Variants in PRKCE observed in about 807,000 individuals in gnomAD.
The protein encoded by PRKCE is protein kinase C epsilon.
A neutral mutation model predicts 85.4 loss-of-function variants in PRKCE; 16 were observed. The ratio of observed to expected loss-of-function variants is 0.19; its 90% confidence interval spans 0.13 to 0.28. PRKCE has a LOEUF of 0.28. Ranked by LOEUF, PRKCE falls within the 10% of genes least tolerant of loss-of-function variation. PRKCE has a pLI of 1.00. For missense variants in PRKCE, 573 were observed against 975.2 expected (o/e 0.59, Z 5.49); for synonymous variants, 388 against 371.5 (o/e 1.04, Z -0.51).
intron 11 of PRKCE, among the ~76,000 whole-genome samples, chr2:46,091,575 A>G (rs756765524): frequency 1.1e-4 from 16 of 152,196 alleles, no homozygotes; most frequent in Non-Finnish European, 1.9e-4. Context: ...AGGGTGGAGA[A>G]AGACGTAGAT....
intron 9 of PRKCE, among the ~76,000 whole-genome samples, chr2:46,009,524 A>T (rs1362852113): frequency 6.6e-6 from 1 of 152,242 alleles, no homozygotes; most frequent in African/African-American, 2.4e-5. Context: ...GAAACTACTC[A>T]GTATTGGTAA....
chr2:45,923,940 A>AG (rs372862705), intron 2 of PRKCE, among the ~76,000 whole-genome samples: 112 of 152,338 alleles, frequency 7.4e-4, no homozygotes, highest in African/African-American at 2.7e-3. Flanking sequence ...CGCAGCAGGA[A>AG]GAAAGGTTGT....
At chr2:45,912,070 T>C (rs755912273) in intron 2 of PRKCE, among the ~76,000 whole-genome samples, 4 of 152,176 alleles carry the variant, frequency 2.6e-5, no homozygotes, top group Non-Finnish European at 4.4e-5. Flanking sequence ...TTTCAGGGTC[T>C]TTCTCTTTCC....
intron 1 of PRKCE, among the ~76,000 whole-genome samples, chr2:45,778,362 G>T (rs555435132): frequency 1.8e-4 from 27 of 152,132 alleles, no homozygotes; most frequent in Admixed American, 3.3e-4. Context: ...ATGCCTGGCC[G>T]CTTAGCTCCG....
At chr2:46,024,269 A>T (rs1706920121) in intron 10 of PRKCE, among the ~76,000 whole-genome samples, 1 of 151,652 alleles carries the variant, frequency 6.6e-6, no homozygotes, top group South Asian at 2.1e-4. Context: ...AAAGCAACTG[A>T]TGGAAAAACA....
chr2:45,816,907 G>T (rs952306515), intron 1 of PRKCE, among the ~76,000 whole-genome samples: 7 of 152,182 alleles, frequency 4.6e-5, no homozygotes, highest in Non-Finnish European at 2.9e-5. Context: ...CTGCTCGGGG[G>T]TTTTGTGAGG....
intron 2 of PRKCE, among the ~76,000 whole-genome samples, chr2:45,937,811 AATG>A (rs1380240739): frequency 1.3e-5 from 2 of 152,176 alleles, no homozygotes; most frequent in East Asian, 3.8e-4. Context: ...GGTACTTGAT[AATG>A]ATTACATTCT....
At chr2:46,149,715 TTA>T (rs1489610997) in intron 12 of PRKCE, among the ~76,000 whole-genome samples, 1,419 of 20,026 alleles carry the variant, frequency 0.071, 30 homozygotes, top group Middle Eastern at 0.21. Flanking sequence ...ATATGTATTT[TTA>T]TATATATGTA....
chr2:45,694,441 G>A (rs1364019209), intron 1 of PRKCE, among the ~76,000 whole-genome samples: 1 of 152,178 alleles, frequency 6.6e-6, no homozygotes, highest in Non-Finnish European at 1.5e-5. Flanking sequence ...CGTTTATTGG[G>A]TGCCAAAGGT....
At chr2:46,003,519 G>A (rs1041049263) in intron 7 of PRKCE, among the ~76,000 whole-genome samples, 2 of 152,136 alleles carry the variant, frequency 1.3e-5, no homozygotes, top group Non-Finnish European at 2.9e-5. Flanking sequence ...GTCACTAGGG[G>A]CAATAAAAGT....
At position 45,796,598 on chromosome 2, in the gene PRKCE, A is replaced by C. The variant is rs185651258; in HGVS notation, c.349-46402A>C. On this transcript the variant is annotated intron_variant, in intron 1 of 14. Transcript: ENST00000306156. ...CAATTAACTTAACCTCTCTGACTTC[A>C]CCTTCTCCACCTGCAAAATGGGGTT... is the stretch of plus-strand genomic sequence containing the variant. Among the ~76,000 whole-genome samples, 534 of 152,198 alleles carry C rather than the reference A, an allele frequency of 3.5e-3. 2 individuals are homozygous for C. Among genetic ancestry groups the C allele is most frequent in the Non-Finnish European group, 5.2e-3 (356 of 68,014 alleles).
rs569114543 is a variant in PRKCE at position 45,847,110 on chromosome 2, C to T, written c.412+4047C>T. ...CTGTGCGATTGCTTTCTGCACAGTT[C>T]AGGCCTTGCCTCAGTTTTGCCTATT... On this transcript the variant is annotated intron_variant, in intron 2 of 14. Coordinates refer to ENST00000306156, the MANE Select transcript of PRKCE (RefSeq NM_005400.3). 2.0e-5 allele frequency among the ~76,000 whole-genome samples: 3 copies of T among 152,352 alleles called. No individual in the cohort carries two copies. In the South Asian group the frequency reaches 6.2e-4, roughly 32 times the overall value.
intron 2 of PRKCE, among the ~76,000 whole-genome samples, chr2:45,876,858 G>T (rs1694519086): frequency 6.6e-6 from 1 of 152,110 alleles, no homozygotes; most frequent in African/African-American, 2.4e-5. Flanking sequence ...TGATATATTT[G>T]GGTGTGTAGC....
chr2:46,159,526 G>A lies in PRKCE; in HGVS notation c.1921-80G>A. ...GAGGCGATGCTGAAGATGCTGCTTTGGCTGACCTCCATCTGTCCCTTATAG... is the reference window on the plus strand; with the variant it reads ...GAGGCGATGCTGAAGATGCTGCTTTAGCTGACCTCCATCTGTCCCTTATAG... On this transcript the variant is annotated intron_variant, in intron 13 of 14. Transcript: ENST00000306156. The surrounding 1 kb of genome is among the most constrained non-coding windows in gnomAD (Gnocchi z 4.1). 2 of 1,434,634 alleles carry A rather than the reference G, an allele frequency of 1.4e-6. No homozygotes were observed. The highest frequency in any genetic ancestry group is 1.8e-6 in the Non-Finnish European group (2 of 1,086,554). 88.9% of individuals were successfully genotyped at this position (1,434,634 alleles called of 1,614,324 possible).
intron 1 of PRKCE, among the ~76,000 whole-genome samples, chr2:45,795,541 C>G (rs1202238531): frequency 1.3e-5 from 2 of 152,118 alleles, no homozygotes; most frequent in Admixed American, 6.5e-5. Context: ...AACTCCTGAC[C>G]TCAGGTGATC....
intron 11 of PRKCE, among the ~76,000 whole-genome samples, chr2:46,135,482 T>C (rs1315105228): frequency 1.3e-5 from 2 of 152,176 alleles, no homozygotes; most frequent in East Asian, 1.9e-4. Flanking sequence ...ATAACAGTCT[T>C]ACCAGATTCA....
intron 1 of PRKCE, among the ~76,000 whole-genome samples, chr2:45,803,019 A>G (rs1687987466): frequency 6.6e-6 from 1 of 152,250 alleles, no homozygotes; most frequent in Non-Finnish European, 1.5e-5. Context: ...TCACAGTATG[A>G]AAGGTATAGA....
At chr2:45,752,625 T>C (rs930964583) in intron 1 of PRKCE, among the ~76,000 whole-genome samples, 8 of 152,212 alleles carry the variant, frequency 5.3e-5, no homozygotes, top group African/African-American at 1.9e-4. Context: ...CAGAACATTC[T>C]GTGATTTCAT....
At chr2:45,799,833 C>T (rs1477853010) in intron 1 of PRKCE, among the ~76,000 whole-genome samples, 1 of 152,182 alleles carries the variant, frequency 6.6e-6, no homozygotes, top group African/African-American at 2.4e-5. Flanking sequence ...AATCAGGACC[C>T]AGTCTAGGGT....
Sources: allele counts gnomAD v4.1 joint callset (sites outside exome capture counted in the v4.1 genomes callset), GRCh38; gene constraint gnomAD v4.1.1; non-coding constraint Gnocchi (gnomAD v3.1); transcripts MANE v1.5; gene names NCBI Gene and HGNC (gene_info 2026-07-23, HGNC 2026-07-21).